Variants in PEX5L observed in about 807,000 individuals in gnomAD.
PEX5L encodes peroxisomal biogenesis factor 5 like, also known as PEX5-related protein.
A neutral mutation model predicts 84.0 loss-of-function variants in PEX5L; 30 were observed. The ratio of observed to expected loss-of-function variants is 0.36; its 90% CI spans 0.27 to 0.48. The LOEUF is 0.48. Ranked by LOEUF, PEX5L falls within the 20% of genes least tolerant of loss-of-function variation. The probability of loss-of-function intolerance (pLI) is 0.99; values close to 1 mark genes in which losing one functional copy is unlikely to be tolerated. For synonymous variants in PEX5L, 270 were observed against 283.1 expected (o/e 0.95, Z 0.46); for missense variants, 533 against 754.6 (o/e 0.71, Z 3.44).
chr3:179,916,347 C>T (rs1326152742), intron 2 of PEX5L, among the ~76,000 whole-genome samples: 3 of 152,076 alleles, frequency 2.0e-5, no homozygotes, highest in Non-Finnish European at 4.4e-5. Context: ...ATACTGTTTG[C>T]AATTATAACA....
At chr3:179,836,686 A>G (rs942098723) in intron 8 of PEX5L, among the ~76,000 whole-genome samples, 1 of 152,224 alleles carries the variant, frequency 6.6e-6, no homozygotes, top group Non-Finnish European at 1.5e-5. Context: ...CATGAATCAC[A>G]AATAAAAACC....
chr3:179,979,452 A>C (rs1786108527), intron 1 of PEX5L, among the ~76,000 whole-genome samples: 2 of 152,146 alleles, frequency 1.3e-5, no homozygotes, highest in Admixed American at 6.5e-5. Context: ...TTTTAATCTG[A>C]TAATCTCTCT....
chr3:179,799,358 A>G lies in PEX5L; in HGVS notation c.*2470T>C, dbSNP rs889379727. The stretch of plus-strand genomic sequence containing the variant: ...CTTAGATCTGACAGATACTACATAC[A>G]CTAGAGAAAGTACTACTAAATGCTC... On this transcript the variant is annotated 3_prime_UTR_variant, in exon 15 of 15. Coordinates refer to ENST00000467460, the MANE Select transcript of PEX5L (RefSeq NM_016559.3). 1.3e-5 allele frequency: 2 copies of G among 152,192 alleles called. No individual in the cohort carries two copies. Among genetic ancestry groups the G allele is most frequent in the Non-Finnish European group, 2.9e-5 (2 of 68,032 alleles). The allele number at this position is 152,192 out of a possible 1,614,324, so 9.4% of individuals were successfully genotyped here.
chr3:179,900,263 G>A (rs1760847450), intron 2 of PEX5L, among the ~76,000 whole-genome samples: 1 of 152,034 alleles, frequency 6.6e-6, no homozygotes, highest in South Asian at 2.1e-4. Context: ...TAGTAATATA[G>A]CAATAAACAA....
intron 1 of PEX5L, among the ~76,000 whole-genome samples, chr3:180,012,133 C>T (rs1041130300): frequency 6.6e-6 from 1 of 152,124 alleles, no homozygotes; most frequent in African/African-American, 2.4e-5. Context: ...ATTCCATCTG[C>T]CCCAGGTTTG....
At chr3:179,922,984 C>CA (rs1360592402) in intron 2 of PEX5L, among the ~76,000 whole-genome samples, 1 of 151,848 alleles carries the variant, frequency 6.6e-6, no homozygotes, top group African/African-American at 2.4e-5. Context: ...CTCTGTGAGT[C>CA]AGTCTGTTCA....
At chr3:179,965,499 C>G (rs1783110250) in intron 2 of PEX5L, among the ~76,000 whole-genome samples, 1 of 152,222 alleles carries the variant, frequency 6.6e-6, no homozygotes, top group Non-Finnish European at 1.5e-5. Flanking sequence ...CAGGGCCAGA[C>G]TAGGAACCAG....
At chr3:179,886,650 T>C (rs1755960452) in intron 4 of PEX5L, among the ~76,000 whole-genome samples, 1 of 152,180 alleles carries the variant, frequency 6.6e-6, no homozygotes, top group African/African-American at 2.4e-5. Flanking sequence ...TTCATGGAGT[T>C]TGAACCCAGA....
At position 179,977,928 on chromosome 3, in the gene PEX5L, T is replaced by C. The variant is rs369536877; in HGVS notation, c.22-6263A>G. On this transcript the variant is annotated intron_variant, in intron 1 of 14. Transcript: ENST00000467460. ...AAAAGAGAGTGGCCACACAGTACACTTTTTTATTTTTGGGTCAAGCATGGG... is the reference window on the plus strand; with the variant it reads ...AAAAGAGAGTGGCCACACAGTACACCTTTTTATTTTTGGGTCAAGCATGGG... Among the ~76,000 whole-genome samples, 15 of 152,290 alleles carry C rather than the reference T, an allele frequency of 9.8e-5. No homozygotes were observed. In the East Asian group the frequency reaches 2.1e-3, roughly 22 times the overall value.
chr3:179,945,537 A>G (rs1777277397), intron 2 of PEX5L, among the ~76,000 whole-genome samples: 1 of 152,232 alleles, frequency 6.6e-6, no homozygotes, highest in Admixed American at 6.5e-5. Context: ...ACTTGTTAGC[A>G]TGATGCCAGG....
At chr3:179,813,598 A>G (rs937463206) in intron 10 of PEX5L, among the ~76,000 whole-genome samples, 4 of 151,856 alleles carry the variant, frequency 2.6e-5, no homozygotes, top group African/African-American at 9.7e-5. Flanking sequence ...TCCTGGTTCA[A>G]GTGATTCTCC....
In PEX5L at chr3:179,796,008, A is replaced by G. The variant is rs1182991762; in HGVS notation, c.*5820T>C. On this transcript the variant is annotated 3_prime_UTR_variant, in exon 15 of 15. Transcript: ENST00000467460. Reference sequence around the variant, plus strand: ...TATTTCCCTTAACTACTGGTAATGTAGTCCATCATGAACACATTTCTCACA... The same window carrying G: ...TATTTCCCTTAACTACTGGTAATGTGGTCCATCATGAACACATTTCTCACA... The G allele has an allele frequency of 6.6e-6, 1 of 152,182 alleles. No homozygotes were observed. Among genetic ancestry groups the G allele is most frequent in the African/African-American group, 2.4e-5 (1 of 41,452 alleles). 9.4% of individuals were successfully genotyped at this position (152,182 alleles called of 1,614,324 possible).
At position 179,859,255 on chromosome 3, in the gene PEX5L, G is replaced by C. The variant is rs28625480; in HGVS notation, c.727-98C>G. The C allele has an allele frequency of 4.4e-3, 3,776 of 867,968 alleles. 111 individuals are homozygous for C. The African/African-American group carries it at 0.056, about 13-fold the overall frequency. 53.8% of individuals were successfully genotyped at this position (867,968 alleles called of 1,614,324 possible). ...CCTTTTCCCATTTCACTTCCCTAGA[G>C]TTCAAGAATCATCTGTGACTGATGA... On this transcript the variant is annotated intron_variant, in intron 7 of 14. Coordinates refer to ENST00000467460, the MANE Select transcript of PEX5L (RefSeq NM_016559.3).
chr3:179,795,018 T>C lies in PEX5L; in HGVS notation c.*6810A>G, dbSNP rs1333072502. 1 of 152,204 alleles carries C rather than the reference T, an allele frequency of 6.6e-6. No individual in the cohort carries two copies. Among genetic ancestry groups the C allele is most frequent in the African/African-American group, 2.4e-5 (1 of 41,454 alleles). The allele number at this position is 152,204 out of a possible 1,614,324, so 9.4% of individuals were successfully genotyped here. A position where few individuals can be genotyped will look rare whatever the true frequency, so the allele number is the denominator to read the frequency against. On this transcript the variant is annotated 3_prime_UTR_variant, in exon 15 of 15. Coordinates refer to ENST00000467460, the MANE Select transcript of PEX5L (RefSeq NM_016559.3). The stretch of plus-strand genomic sequence containing the variant: ...AAATTCAATTTCAGGTTAAATAATA[T>C]TTTAGTCTTAAAAAATTAACAAAGG...
intron 2 of PEX5L, among the ~76,000 whole-genome samples, chr3:179,951,488 G>A (rs912940434): frequency 1.3e-5 from 2 of 152,160 alleles, no homozygotes; most frequent in African/African-American, 4.8e-5. Context: ...AAAAGGAAAA[G>A]TAGATTATTT....
At chr3:179,985,276 G>C (rs990494057) in intron 1 of PEX5L, among the ~76,000 whole-genome samples, 2 of 152,140 alleles carry the variant, frequency 1.3e-5, no homozygotes, top group Admixed American at 1.3e-4. Context: ...TCTGTACATG[G>C]CCAGGGTAGC....
At chr3:179,937,941 C>T (rs977329222) in intron 2 of PEX5L, among the ~76,000 whole-genome samples, 9 of 152,028 alleles carry the variant, frequency 5.9e-5, no homozygotes, top group African/African-American at 1.9e-4. Flanking sequence ...TTGGCAGCAC[C>T]ACCTCTACCA....
intron 11 of PEX5L, among the ~76,000 whole-genome samples, chr3:179,810,255 T>C (rs58310750): frequency 0.22 from 33,723 of 151,730 alleles, 4,149 homozygotes; most frequent in African/African-American, 0.33. Context: ...GACCCGCCTG[T>C]CTCAGCCTCC....
rs1291450924 is a variant in PEX5L at position 179,879,923 on chromosome 3, C to A, written c.505+6G>T. 2 of 1,561,892 alleles carry A rather than the reference C, an allele frequency of 1.3e-6. No individual in the cohort carries two copies. The highest frequency in any genetic ancestry group is 1.2e-5 in the South Asian group (1 of 81,560). Reference sequence around the variant, plus strand: ...GAGCATCCATAGCCGCAAGCGATTGCCTTACCTAGATCTAAGGATGAAGTC... The same window carrying A: ...GAGCATCCATAGCCGCAAGCGATTGACTTACCTAGATCTAAGGATGAAGTC... On this transcript the variant is annotated splice_donor_region_variant and intron_variant, in intron 5 of 14. Transcript: ENST00000467460.
Sources: gnomAD v4.1 joint callset for allele counts (sites outside exome capture counted in the v4.1 genomes callset) on GRCh38, gnomAD v4.1.1 for gene constraint, MANE v1.5 for transcripts, NCBI Gene and HGNC (gene_info 2026-07-23, HGNC 2026-07-21) for gene names.